The following ARHGAP24 variants were observed in gnomAD, a reference collection of about 807,000 sequenced individuals.
ARHGAP24 encodes Rho GTPase activating protein 24, also known as rho GTPase-activating protein 24.
In ARHGAP24, 50 loss-of-function variants were observed where a neutral mutation model predicts 76.4. The ratio of observed to expected loss-of-function variants is 0.65; its 90% CI spans 0.52 to 0.83. The LOEUF (loss-of-function observed/expected upper bound fraction) is 0.83. Among genes scored for constraint, ARHGAP24 ranks in the 40% least tolerant of loss-of-function variants. The pLI is 0.00. For missense variants in ARHGAP24, 930 were observed against 914.2 expected (o/e 1.02, Z -0.22); for synonymous variants, 345 against 323.3 (o/e 1.07, Z -0.72).
chr4:85,955,811 G>A (rs1737873396), intron 5 of ARHGAP24, among the ~76,000 whole-genome samples: 1 of 152,198 alleles, frequency 6.6e-6, no homozygotes. Context: ...GACTGGGCTA[G>A]GCAAACCATA....
intron 2 of ARHGAP24, among the ~76,000 whole-genome samples, chr4:85,615,926 T>G (rs923074267): frequency 1.3e-5 from 2 of 152,132 alleles, no homozygotes; most frequent in African/African-American, 4.8e-5. Flanking sequence ...TCCTGAAAAA[T>G]TAATTAGTAT....
At chr4:85,757,373 A>G (rs6819529) in intron 3 of ARHGAP24, among the ~76,000 whole-genome samples, 2,135 of 151,042 alleles carry the variant, frequency 0.014, 66 homozygotes, top group East Asian at 0.097. Context: ...CCTCTCCCGC[A>G]ACCCCACGAC....
intron 1 of ARHGAP24, among the ~76,000 whole-genome samples, chr4:85,501,304 T>A (rs1046392002): frequency 3.3e-5 from 5 of 152,342 alleles, no homozygotes; most frequent in South Asian, 4.1e-4. Context: ...TGCCACACTG[T>A]CTTCCACAAT....
At chr4:85,527,534 C>T (rs1412782623) in intron 1 of ARHGAP24, among the ~76,000 whole-genome samples, 2 of 152,066 alleles carry the variant, frequency 1.3e-5, no homozygotes, top group Non-Finnish European at 2.9e-5. Flanking sequence ...CTTAACGTCT[C>T]TGTATTACCA....
intron 2 of ARHGAP24, among the ~76,000 whole-genome samples, chr4:85,586,793 G>C (rs1009346192): frequency 6.6e-6 from 1 of 152,114 alleles, no homozygotes; most frequent in Non-Finnish European, 1.5e-5. Context: ...AGCTACTTGA[G>C]AGGCTGAGGC....
chr4:85,693,066 C>G (rs1723729012), intron 2 of ARHGAP24, among the ~76,000 whole-genome samples: 2 of 152,166 alleles, frequency 1.3e-5, no homozygotes, highest in South Asian at 4.1e-4. Context: ...AGTATATAAG[C>G]AAAATATTTT....
chr4:85,513,490 T>G (rs1724363434), intron 1 of ARHGAP24, among the ~76,000 whole-genome samples: 1 of 152,134 alleles, frequency 6.6e-6, no homozygotes, highest in Non-Finnish European at 1.5e-5. Context: ...ATTTTCTTTG[T>G]GTGTAATTTT....
intron 3 of ARHGAP24, among the ~76,000 whole-genome samples, chr4:85,723,060 T>G (rs1725015805): frequency 6.6e-6 from 1 of 152,192 alleles, no homozygotes; most frequent in Non-Finnish European, 1.5e-5. Context: ...GGAGAACATA[T>G]TTTAAGAAAC....
At chr4:85,716,917 C>A (rs1724752902) in intron 2 of ARHGAP24, among the ~76,000 whole-genome samples, 1 of 152,048 alleles carries the variant, frequency 6.6e-6, no homozygotes, top group Admixed American at 6.6e-5. Flanking sequence ...AATATCTTGA[C>A]CTGTCTCTCT....
chr4:85,523,124 A>T (rs1470567780), intron 1 of ARHGAP24, among the ~76,000 whole-genome samples: 1 of 152,142 alleles, frequency 6.6e-6, no homozygotes, highest in Admixed American at 6.6e-5. Context: ...GGAACAAAAA[A>T]CCCATGCAGA....
At chr4:85,653,070 CAT>C (rs1204197205) in intron 2 of ARHGAP24, among the ~76,000 whole-genome samples, 3 of 152,100 alleles carry the variant, frequency 2.0e-5, no homozygotes, top group African/African-American at 7.2e-5. Flanking sequence ...TTAGAAAATT[CAT>C]ATTGATGAAC....
chr4:85,704,725 G>GGAC (rs537286127), intron 2 of ARHGAP24, among the ~76,000 whole-genome samples: 26 of 152,172 alleles, frequency 1.7e-4, no homozygotes, highest in African/African-American at 6.3e-4. Flanking sequence ...GAAACTCCGA[G>GGAC]GACAGGTTCT....
In ARHGAP24 at chr4:85,768,806, T is replaced by C. The variant is rs569666951; in HGVS notation, c.268+46834T>C. On this transcript the variant is annotated intron_variant, in intron 3 of 9. Transcript: ENST00000395184. ...AAAAAATGATAGACACAACTAAAGA[T>C]GAGATCACTTGTGTAGGGGAGAAAA... 3.9e-5 allele frequency among the ~76,000 whole-genome samples: 6 copies of C among 152,066 alleles called. No homozygotes were observed. In the East Asian group the frequency reaches 1.2e-3, roughly 29 times the overall value.
At chr4:85,724,652 ATTAC>A (rs911966937) in intron 3 of ARHGAP24, among the ~76,000 whole-genome samples, 188 of 152,048 alleles carry the variant, frequency 1.2e-3, no homozygotes, top group African/African-American at 4.3e-3. Context: ...GTCTTTGTGT[ATTAC>A]TTATTTATAT....
intron 3 of ARHGAP24, among the ~76,000 whole-genome samples, chr4:85,828,676 T>C (rs1729841343): frequency 6.6e-6 from 1 of 152,210 alleles, no homozygotes. Context: ...AACTGCTATG[T>C]AAGCTTGTAG....
intron 2 of ARHGAP24, among the ~76,000 whole-genome samples, chr4:85,588,656 G>A (rs1177238281): frequency 6.6e-6 from 1 of 152,108 alleles, no homozygotes; most frequent in Non-Finnish European, 1.5e-5. Context: ...GTGTAATGAT[G>A]ATAAGAAATT....
At chr4:85,582,341 C>A (rs1275395461) in intron 2 of ARHGAP24, among the ~76,000 whole-genome samples, 1 of 152,012 alleles carries the variant, frequency 6.6e-6, no homozygotes, top group African/African-American at 2.4e-5. Context: ...TCAAAAATGA[C>A]TCTTTAAAGA....
chr4:85,603,392 A>C (rs112460006), intron 2 of ARHGAP24, among the ~76,000 whole-genome samples: 1 of 152,214 alleles, frequency 6.6e-6, no homozygotes, highest in African/African-American at 2.4e-5. Flanking sequence ...ACCTCCCTTC[A>C]TATAAGAGCT....
At chr4:85,624,443 A>C (rs1222720238) in intron 2 of ARHGAP24, among the ~76,000 whole-genome samples, 3 of 152,180 alleles carry the variant, frequency 2.0e-5, no homozygotes, top group Non-Finnish European at 4.4e-5. Context: ...AGCCCACTTG[A>C]TTATGGTGGA....
Sources: gnomAD v4.1 joint callset for allele counts (sites outside exome capture counted in the v4.1 genomes callset) on GRCh38, gnomAD v4.1.1 for gene constraint, MANE v1.5 for transcripts, NCBI Gene and HGNC (gene_info 2026-07-23, HGNC 2026-07-21) for gene names.